The following GFRA2 variants were observed in gnomAD, a reference collection of about 807,000 sequenced individuals.
GFRA2 encodes GDNF family receptor alpha 2, also known as GDNF family receptor alpha-2.
Under a neutral mutation model 48.3 loss-of-function variants are expected in GFRA2, and 17 were observed. The observed-to-expected ratio is 0.35, with a 90% CI of 0.24 to 0.53. The LOEUF is 0.53. Ranked by LOEUF, GFRA2 falls within the 20% of genes least tolerant of loss-of-function variation. GFRA2 has a pLI of 0.93. For synonymous variants in GFRA2, 305 were observed against 257.2 expected (o/e 1.19, Z -1.78); for missense variants, 660 against 637.3 (o/e 1.04, Z -0.38).
chr8:21,791,708 G>T (rs746364918), upstream of GFRA2, among the ~76,000 whole-genome samples: 1 of 152,120 alleles, frequency 6.6e-6, no homozygotes, highest in Admixed American at 6.5e-5. Flanking sequence ...TACACAAAGC[G>T]GCTAGTACAA....
intron 4 of GFRA2, among the ~76,000 whole-genome samples, chr8:21,725,265 A>C (rs921807185): frequency 6.6e-6 from 1 of 152,214 alleles, no homozygotes; most frequent in Admixed American, 6.5e-5. Context: ...CTCCTGACAA[A>C]GAGTGAGACC....
intron 1 of GFRA2, among the ~76,000 whole-genome samples, chr8:21,787,820 C>G (rs1488374342): frequency 6.6e-6 from 1 of 152,184 alleles, no homozygotes; most frequent in Non-Finnish European, 1.5e-5. Context: ...GGGGGAGATG[C>G]GCGCTATACT....
intron 4 of GFRA2, among the ~76,000 whole-genome samples, chr8:21,730,549 A>C (rs372889106): frequency 8.2e-4 from 125 of 152,280 alleles, no homozygotes; most frequent in African/African-American, 2.9e-3. Context: ...GCAATGCAGA[A>C]GGAGAGACCC....
At chr8:21,715,213 G>A (rs974618429) in intron 4 of GFRA2, among the ~76,000 whole-genome samples, 6 of 152,208 alleles carry the variant, frequency 3.9e-5, no homozygotes, top group Non-Finnish European at 8.8e-5. Flanking sequence ...TAACTGTACA[G>A]TGGATACTTA....
At chr8:21,716,198 C>A (rs978207796) in intron 4 of GFRA2, among the ~76,000 whole-genome samples, 1 of 151,946 alleles carries the variant, frequency 6.6e-6, no homozygotes, top group African/African-American at 2.4e-5. Context: ...TAGCACACAC[C>A]TGTAATCCCA....
intron 2 of GFRA2, among the ~76,000 whole-genome samples, chr8:21,777,325 T>TG (rs1212330958): frequency 1.5e-5 from 2 of 131,944 alleles, no homozygotes; most frequent in Non-Finnish European, 3.1e-5. Flanking sequence ...CCCGGGGTGG[T>TG]GTGGGGGCCT....
rs1283617686 is a variant in GFRA2 at position 21,711,767 on chromosome 8, A to G, written c.795-5726T>C. On this transcript the variant is annotated intron_variant, in intron 4 of 8. Coordinates refer to ENST00000524240, the MANE Select transcript of GFRA2 (RefSeq NM_001495.5). Reference sequence around the variant, plus strand: ...AGGGTCATAAGACAATAGTGGAGGAAAGGTCAGCAGATAAACAAGTGAACA... The same window carrying G: ...AGGGTCATAAGACAATAGTGGAGGAGAGGTCAGCAGATAAACAAGTGAACA... Among the ~76,000 whole-genome samples, 3 of 151,384 alleles carry G rather than the reference A, an allele frequency of 2.0e-5. No individual in the cohort carries two copies. The South Asian group carries it at 6.3e-4, about 32-fold the overall frequency.
In GFRA2 at chr8:21,782,110, C is replaced by T. The variant is rs893840664; in HGVS notation, c.355+475G>A. On this transcript the variant is annotated intron_variant, in intron 2 of 8. Transcript: ENST00000524240. Reference sequence around the variant, plus strand: ...GCAGCAGCCATAGCAGGGCAGCAGCCGTGGCAGCGGAAGTGGCTGGTTTCT... The same window carrying T: ...GCAGCAGCCATAGCAGGGCAGCAGCTGTGGCAGCGGAAGTGGCTGGTTTCT... 9.2e-5 allele frequency among the ~76,000 whole-genome samples: 14 copies of T among 152,270 alleles called. No individual in the cohort carries two copies. In the South Asian group the frequency reaches 1.0e-3, roughly 11 times the overall value.
At chr8:21,755,825 G>T (rs1326654267) in intron 3 of GFRA2, among the ~76,000 whole-genome samples, 1 of 152,250 alleles carries the variant, frequency 6.6e-6, no homozygotes, top group African/African-American at 2.4e-5. Flanking sequence ...GCCAAGACAA[G>T]GGCCTTCAGC....
At chr8:21,746,694 C>G (rs906140230) in intron 4 of GFRA2, among the ~76,000 whole-genome samples, 1 of 152,026 alleles carries the variant, frequency 6.6e-6, no homozygotes, top group African/African-American at 2.4e-5. Context: ...CAGTCCTGAC[C>G]CTCCCAATAC....
intron 4 of GFRA2, among the ~76,000 whole-genome samples, chr8:21,736,247 C>A (rs934254228): frequency 1.3e-5 from 2 of 152,028 alleles, no homozygotes; most frequent in African/African-American, 2.4e-5. Flanking sequence ...GGGACACACA[C>A]CCATCAGGAA....
intron 3 of GFRA2, among the ~76,000 whole-genome samples, chr8:21,753,624 AAAAGAAAAAAAG>A (rs1805404900): frequency 6.6e-6 from 1 of 152,206 alleles, no homozygotes. Context: ...GTCTCAAAAA[AAAAGAAAAAAAG>A]AAAGAAAAGA....
At chr8:21,794,356 T>C (rs1316979515) in intron 2 of GFRA2, among the ~76,000 whole-genome samples, 1 of 150,098 alleles carries the variant, frequency 6.7e-6, no homozygotes, top group Non-Finnish European at 1.5e-5. Flanking sequence ...GTTCAAGTGA[T>C]TGGCCTACCT....
chr8:21,795,595 G>A (rs1807658504), intron 2 of GFRA2, among the ~76,000 whole-genome samples: 1 of 152,116 alleles, frequency 6.6e-6, no homozygotes, highest in Non-Finnish European at 1.5e-5. Flanking sequence ...GTTTCACCAT[G>A]TTGGCTAGGC....
upstream of GFRA2, chr8:21,788,977 A>G (rs1807426586): frequency 4.3e-6 from 1 of 230,516 alleles, no homozygotes; most frequent in South Asian, 1.6e-4. Context: ...CTCTCGCGCC[A>G]GCGCCCCTCT....
At chr8:21,721,585 GTGTT>G (rs2117447476) in intron 4 of GFRA2, among the ~76,000 whole-genome samples, 1 of 152,334 alleles carries the variant, frequency 6.6e-6, no homozygotes, top group South Asian at 2.1e-4. Context: ...ACACAAAAGA[GTGTT>G]TGGGAGATGA....
rs187788152 is a variant in GFRA2, at chr8:21,759,340, C to T, written c.440-8398G>A. Among the ~76,000 whole-genome samples, 569 of 150,290 alleles carry T rather than the reference C, an allele frequency of 3.8e-3. 4 individuals are homozygous for T. Among genetic ancestry groups the T allele is most frequent in the Non-Finnish European group, 4.5e-3 (304 of 67,690 alleles). ...GGCAGAGGTTGCAGAGAGGCAAGAA[C>T]GCACCATTGCACTCCAACCTGGGCG... On this transcript the variant is annotated intron_variant, in intron 3 of 8. Transcript: ENST00000524240.
At chr8:21,771,249 C>G (rs1399436697) in intron 3 of GFRA2, among the ~76,000 whole-genome samples, 1 of 152,218 alleles carries the variant, frequency 6.6e-6, no homozygotes, top group Non-Finnish European at 1.5e-5. Flanking sequence ...CCAGGACCAT[C>G]TGGCTCAAGG....
chr8:21,693,543 T>G (rs1801977971), intron 8 of GFRA2, 143 bp from the exon 9 acceptor site: 1 of 701,000 alleles, frequency 1.4e-6, no homozygotes, highest in Non-Finnish European at 2.3e-6. Context: ...ACAGGGACCC[T>G]CCTTTGCACT....
Sources: allele counts gnomAD v4.1 joint callset (sites outside exome capture counted in the v4.1 genomes callset), GRCh38; gene constraint gnomAD v4.1.1; transcripts MANE v1.5; gene names NCBI Gene and HGNC (gene_info 2026-07-23, HGNC 2026-07-21).